CATSPERB: variants seen among roughly 807,000 people sequenced by gnomAD.
CATSPERB encodes the protein cation channel sperm-associated auxiliary subunit beta.
CATSPERB carries 93 observed loss-of-function variants against 128.3 expected under a neutral mutation model. The observed-to-expected ratio is 0.72, with a 90% CI of 0.61 to 0.86. The LOEUF (loss-of-function observed/expected upper bound fraction) is 0.86. CATSPERB is among the 40% of genes least tolerant of loss of function. CATSPERB has a pLI of 0.00. For missense variants in CATSPERB, 1,153 were observed against 1,329.5 expected (o/e 0.87, Z 2.06); for synonymous variants, 381 against 448.8 (o/e 0.85, Z 1.91).
chr14:91,623,295 T>C (rs1255670783), intron 18 of CATSPERB, among the ~76,000 whole-genome samples: 1 of 152,114 alleles, frequency 6.6e-6, no homozygotes, highest in Non-Finnish European at 1.5e-5. Flanking sequence ...GGCCTCTCCT[T>C]CTTGAAACAC....
At chr14:91,688,771 A>G (rs1050424432) in intron 10 of CATSPERB, among the ~76,000 whole-genome samples, 1 of 152,182 alleles carries the variant, frequency 6.6e-6, no homozygotes, top group Non-Finnish European at 1.5e-5. Context: ...TTTATGCTGC[A>G]CTTGAAGCTC....
chr14:91,582,618 T>C (rs2139752045), intron 26 of CATSPERB, among the ~76,000 whole-genome samples: 1 of 152,282 alleles, frequency 6.6e-6, no homozygotes, highest in East Asian at 1.9e-4. Flanking sequence ...TTTTCTACAC[T>C]GCTGTGCCCA....
chr14:91,592,041 C>A, intron 22 of CATSPERB, 39 bp from the exon 23 acceptor site: 1 of 1,294,766 alleles, frequency 7.7e-7, no homozygotes, highest in South Asian at 1.2e-5. Flanking sequence ...TGTTTTTCTG[C>A]GTTGCGGGAT....
intron 15 of CATSPERB, among the ~76,000 whole-genome samples, chr14:91,654,509 G>A (rs1249585447): frequency 6.6e-6 from 1 of 152,176 alleles, no homozygotes; most frequent in Non-Finnish European, 1.5e-5. Flanking sequence ...GCCATGGAGA[G>A]AGACTGCTCT....
chr14:91,634,329 G>C (rs1566712497), intron 17 of CATSPERB, among the ~76,000 whole-genome samples: 1 of 152,078 alleles, frequency 6.6e-6, no homozygotes, highest in Non-Finnish European at 1.5e-5. Context: ...ACTGACTCAG[G>C]GGTGGCAGAG....
chr14:91,588,675 T>C (rs914261911), intron 24 of CATSPERB, among the ~76,000 whole-genome samples: 9 of 152,204 alleles, frequency 5.9e-5, no homozygotes, highest in African/African-American at 1.9e-4. Context: ...CCAATTTCCA[T>C]AGTGTAAATA....
chr14:91,631,754 G>C (rs1055172273), intron 17 of CATSPERB, among the ~76,000 whole-genome samples: 1 of 152,098 alleles, frequency 6.6e-6, no homozygotes, highest in African/African-American at 2.4e-5. Flanking sequence ...TATTTCTTCT[G>C]AGGTTTGAGG....
intron 23 of CATSPERB, among the ~76,000 whole-genome samples, chr14:91,590,145 G>C (rs1483253847): frequency 6.6e-6 from 1 of 152,180 alleles, no homozygotes; most frequent in African/African-American, 2.4e-5. Context: ...AAATCACGGA[G>C]AAGGCTTAGA....
chr14:91,674,613 T>A (rs750801524), intron 11 of CATSPERB, among the ~76,000 whole-genome samples: 9 of 152,196 alleles, frequency 5.9e-5, no homozygotes, highest in Non-Finnish European at 7.3e-5. Context: ...TCTTGATTTT[T>A]GCCTTGAAAA....
chr14:91,638,962 A>T, intron 16 of CATSPERB, 134 bp downstream of exon 16: 1 of 706,284 alleles, frequency 1.4e-6, no homozygotes, highest in Non-Finnish European at 2.3e-6. Flanking sequence ...TTCTTCCTTT[A>T]GTTAAATAGA....
chr14:91,617,819 G>T, intron 19 of CATSPERB, 83 bp from the exon 20 acceptor site: 2 of 958,118 alleles, frequency 2.1e-6, no homozygotes, highest in Non-Finnish European at 3.2e-6. Flanking sequence ...TCAGATTTTA[G>T]AACATCAACT....
At chr14:91,612,012 TTTTCTTTCTTTCTTTCTTTC>T (rs71120177) in intron 20 of CATSPERB, among the ~76,000 whole-genome samples, 11 of 133,030 alleles carry the variant, frequency 8.3e-5, no homozygotes, top group Admixed American at 3.1e-4. Context: ...TTGTTTACTG[TTTTCTTTCTTTCTTTCTTTC>T]TTTCTTTCTT....
chr14:91,698,262 T>C (rs1895594602), intron 7 of CATSPERB, among the ~76,000 whole-genome samples: 1 of 152,180 alleles, frequency 6.6e-6, no homozygotes, highest in Admixed American at 6.5e-5. Context: ...TGTTTACCAG[T>C]TCTAGGAGCT....
In CATSPERB at chr14:91,589,596, G is replaced by T. The variant is rs1390313093; in HGVS notation, c.2894C>A (p.Pro965Gln). The change falls in exon 24 of 27, where the codon CCA (proline) becomes CAA (glutamine). Residue 965 changes from proline to glutamine, a missense_variant. Pro to Gln is a moderately conservative substitution (Grantham distance 76, BLOSUM62 -1). Transcript: ENST00000256343. The stretch of plus-strand genomic sequence containing the variant: ...AGTAACCAGATATGGAGATTGCAAT[G>T]GGACACGTCCATCCTCGTTGATAAT... ...LEIINEDGRV[P>Q]LQSPYLVTVT... 4 of 1,613,724 alleles carry T rather than the reference G, an allele frequency of 2.5e-6. No individual in the cohort carries two copies.
intron 22 of CATSPERB, among the ~76,000 whole-genome samples, chr14:91,596,068 C>T (rs1036989758): frequency 6.6e-6 from 1 of 152,136 alleles, no homozygotes. Context: ...AACTCCTATT[C>T]TGCTTGATAG....
chr14:91,639,020 TC>T (rs1438040772), intron 16 of CATSPERB, 75 bp downstream of exon 16: 1 of 1,287,660 alleles, frequency 7.8e-7, no homozygotes, highest in East Asian at 2.3e-5. Context: ...TTTCCCATTT[TC>T]CCATTATTCT....
chr14:91,634,802 C>G (rs1173483710), intron 17 of CATSPERB, among the ~76,000 whole-genome samples: 1 of 148,458 alleles, frequency 6.7e-6, no homozygotes, highest in Non-Finnish European at 1.5e-5. Flanking sequence ...GTATTGACAG[C>G]CCCAAACACA....
At chr14:91,660,133 C>CAT (rs1894852022) in intron 14 of CATSPERB, 152 bp from the exon 15 acceptor site, 4 of 620,822 alleles carry the variant, frequency 6.4e-6, no homozygotes, top group South Asian at 2.2e-5. Context: ...CACACACACA[C>CAT]ACACACACAC....
At chr14:91,612,072 T>C (rs985130658) in intron 20 of CATSPERB, among the ~76,000 whole-genome samples, 27 of 108,804 alleles carry the variant, frequency 2.5e-4, no homozygotes, top group East Asian at 8.2e-4. Context: ...TTCTTCCTTT[T>C]TTTAAGAGAT....
Sources: allele counts gnomAD v4.1 joint callset (sites outside exome capture counted in the v4.1 genomes callset), GRCh38; gene constraint gnomAD v4.1.1; transcripts MANE v1.5; gene names NCBI Gene and HGNC (gene_info 2026-07-23, HGNC 2026-07-21).